Variants in SORCS2 observed in about 807,000 individuals in gnomAD.
The protein encoded by SORCS2 is sortilin related VPS10 domain containing receptor 2.
SORCS2 carries 100 observed loss-of-function variants against 141.6 expected under a neutral mutation model. That is an observed-to-expected ratio of 0.71 (90% confidence interval 0.60 to 0.83). SORCS2 has a LOEUF of 0.83. Among genes scored for constraint, SORCS2 ranks in the 40% least tolerant of loss-of-function variants. SORCS2 has a pLI of 0.00. For missense variants in SORCS2, 1,646 were observed against 1,560.2 expected, an observed-to-expected ratio of 1.05 and a Z score of -0.93; for synonymous variants, 789 against 676.9, an observed-to-expected ratio of 1.17 and a Z score of -2.57.
At chr4:7,455,095 C>G (rs1287813544) in intron 2 of SORCS2, among the ~76,000 whole-genome samples, 4 of 84,440 alleles carry the variant, frequency 4.7e-5, no homozygotes, top group South Asian at 6.4e-4. Flanking sequence ...GGGTCAGGCA[C>G]TGTGTTGGGG....
chr4:7,691,736 C>T (rs773864770), intron 11 of SORCS2, among the ~76,000 whole-genome samples: 11 of 152,098 alleles, frequency 7.2e-5, no homozygotes, highest in African/African-American at 9.7e-5. Flanking sequence ...CACTTGGTTT[C>T]CCGGGCTCCT....
intron 3 of SORCS2, among the ~76,000 whole-genome samples, chr4:7,600,231 C>T (rs1717567461): frequency 6.6e-6 from 1 of 152,160 alleles, no homozygotes; most frequent in Non-Finnish European, 1.5e-5. Flanking sequence ...CACAGCTTAC[C>T]ACAAGCTTAG....
Position 7,396,075 on chromosome 4 carries a change from C to T in SORCS2, c.481-213C>T, listed in dbSNP as rs181201936. ...ATGTTCCCAGAGTCATTCTGCAGAG[C>T]ACAAGCAAGTCCTCAGAGCAGAAAT... On this transcript the variant is annotated intron_variant, in intron 1 of 26. Transcript: ENST00000507866. Among the ~76,000 whole-genome samples, 40 of 152,302 alleles carry T rather than the reference C, an allele frequency of 2.6e-4. No individual in the cohort carries two copies. The East Asian group carries it at 7.7e-3, about 29-fold the overall frequency.
chr4:7,412,610 A>G (rs1162006862), intron 2 of SORCS2, among the ~76,000 whole-genome samples: 4 of 151,998 alleles, frequency 2.6e-5, no homozygotes, highest in Admixed American at 6.5e-5. Flanking sequence ...TCAGCTGAGA[A>G]TCGTCTCTCA....
intron 10 of SORCS2, among the ~76,000 whole-genome samples, chr4:7,685,693 A>T (rs901518950): frequency 6.6e-6 from 1 of 151,138 alleles, no homozygotes; most frequent in Admixed American, 6.6e-5. Context: ...AAATAAATAT[A>T]TATATATATG....
rs1277952400 is a variant in SORCS2, at chr4:7,374,108, ATTCT to A, written c.481-22164_481-22161del. ...TCTGTGGTGCAAGGTTAGGATTGAG[ATTCT>A]TTCTTTCTTTCTTTCCCTCTTTCTT... On this transcript the variant is annotated intron_variant, in intron 1 of 26. Coordinates refer to ENST00000507866, the MANE Select transcript of SORCS2 (RefSeq NM_020777.3). Among the ~76,000 whole-genome samples the A allele has an allele frequency of 1.0e-4, 15 of 145,198 alleles. 1 individual carries two copies. The highest frequency in any genetic ancestry group is 4.1e-4 in the Admixed American group (6 of 14,514).
chr4:7,695,312 G>A (rs1454505148), intron 11 of SORCS2, among the ~76,000 whole-genome samples: 4 of 42,606 alleles, frequency 9.4e-5, no homozygotes, highest in East Asian at 1.2e-3. Context: ...GAGTGAATGG[G>A]TGGGTGGGTG....
chr4:7,642,761 G>A (rs548894386), intron 4 of SORCS2, among the ~76,000 whole-genome samples: 6 of 152,270 alleles, frequency 3.9e-5, no homozygotes, highest in Admixed American at 1.3e-4. Context: ...GCTTTGCTGC[G>A]ATTGGCTATA....
At chr4:7,360,687 A>C (rs1721530857) in intron 1 of SORCS2, among the ~76,000 whole-genome samples, 1 of 144,338 alleles carries the variant, frequency 6.9e-6, no homozygotes, top group African/African-American at 2.6e-5. Context: ...CAAGCGATCG[A>C]TCCTTCCACC....
At chr4:7,682,675 A>G (rs1467117661) in intron 9 of SORCS2, 68 bp from the exon 10 acceptor site, 1 of 1,489,554 alleles carries the variant, frequency 6.7e-7, no homozygotes, top group East Asian at 2.4e-5. Context: ...GGGCTGGAGC[A>G]TGGTGGATAC....
At chr4:7,536,470 C>T (rs1457371082) in intron 3 of SORCS2, among the ~76,000 whole-genome samples, 3 of 152,164 alleles carry the variant, frequency 2.0e-5, no homozygotes, top group Non-Finnish European at 4.4e-5. Context: ...GCCAGAGAAG[C>T]TGGTTAAGGC....
rs62289026 is a variant in SORCS2 at position 7,632,179 on chromosome 4, A to G, written c.649-6149A>G. On this transcript the variant is annotated intron_variant, in intron 3 of 26. Coordinates refer to ENST00000507866, the MANE Select transcript of SORCS2 (RefSeq NM_020777.3). ...CCCCTGACCATTTGCTGGTCCCCGTAAACTGTGCACCCGTTTCTCAGAATT... is the reference window on the plus strand; with the variant it reads ...CCCCTGACCATTTGCTGGTCCCCGTGAACTGTGCACCCGTTTCTCAGAATT... Among the ~76,000 whole-genome samples, 977 of 152,322 alleles carry G rather than the reference A, an allele frequency of 6.4e-3. 5 individuals are homozygous for G. Among genetic ancestry groups the G allele is most frequent in the Middle Eastern group, 0.017 (5 of 294 alleles).
intron 2 of SORCS2, among the ~76,000 whole-genome samples, chr4:7,474,576 T>C (rs1730176392): frequency 6.6e-6 from 1 of 152,168 alleles, no homozygotes; most frequent in Admixed American, 6.5e-5. Context: ...CTGTGAATTC[T>C]GCATGGGGTG....
chr4:7,209,187 C>G (rs981636689), intron 1 of SORCS2, among the ~76,000 whole-genome samples: 15 of 152,232 alleles, frequency 9.9e-5, no homozygotes, highest in African/African-American at 3.6e-4. Flanking sequence ...TGCCGGACAG[C>G]CAGCATATGC....
At chr4:7,252,797 T>G (rs1330076037) in intron 1 of SORCS2, among the ~76,000 whole-genome samples, 1 of 152,232 alleles carries the variant, frequency 6.6e-6, no homozygotes, top group Admixed American at 6.5e-5. Flanking sequence ...TTCTAAAAAT[T>G]ATTATAGATG....
intron 2 of SORCS2, among the ~76,000 whole-genome samples, chr4:7,473,645 T>C: frequency 6.6e-6 from 1 of 152,080 alleles, no homozygotes; most frequent in Admixed American, 6.5e-5. Flanking sequence ...CATAGGCGTG[T>C]CCGTCACCCT....
At chr4:7,441,741 C>A (rs534894037) in intron 2 of SORCS2, among the ~76,000 whole-genome samples, 1 of 99,902 alleles carries the variant, frequency 1.0e-5, no homozygotes, top group African/African-American at 4.1e-5. Flanking sequence ...CCACCCCCTC[C>A]CCCAGCCCAG....
chr4:7,714,108 T>C (rs1428030765), intron 15 of SORCS2, 132 bp from the exon 16 acceptor site: 1 of 1,322,100 alleles, frequency 7.6e-7, no homozygotes, highest in South Asian at 1.5e-5. Context: ...CGCCCCATTA[T>C]GGGCCTCAGT....
Position 7,620,051 on chromosome 4 carries a change from T to TTCC in SORCS2, c.649-18274_649-18272dup, listed in dbSNP as rs1363720509. Among the ~76,000 whole-genome samples, 276 of 121,548 alleles carry TTCC rather than the reference T, an allele frequency of 2.3e-3. 1 individual carries two copies. The highest frequency in any genetic ancestry group is 7.7e-3 in the African/African-American group (260 of 33,982). The allele number at this position is 121,548 out of a possible 152,430, so 79.7% of individuals were successfully genotyped here. A position where few individuals can be genotyped will look rare whatever the true frequency, so the allele number is the denominator to read the frequency against. ...TCCTCCTCCTTCCTCCTCCTCCTCCTTCCTCTTCCTCCTCTTCTTCCTCCT... is the reference window on the plus strand; with the variant it reads ...TCCTCCTCCTTCCTCCTCCTCCTCCTTCCTCCTCTTCCTCCTCTTCTTCCTCCT... On this transcript the variant is annotated intron_variant, in intron 3 of 26. Coordinates refer to ENST00000507866, the MANE Select transcript of SORCS2 (RefSeq NM_020777.3).
Sources: gnomAD v4.1 joint callset for allele counts (sites outside exome capture counted in the v4.1 genomes callset) on GRCh38, gnomAD v4.1.1 for gene constraint, MANE v1.5 for transcripts, NCBI Gene and HGNC (gene_info 2026-07-23, HGNC 2026-07-21) for gene names.